DOCK1: variants seen among roughly 807,000 people sequenced by gnomAD.
DOCK1 encodes the protein dedicator of cytokinesis 1.
DOCK1 carries 138 observed loss-of-function variants against 262.7 expected under a neutral mutation model. That is an observed-to-expected ratio of 0.53 (90% CI 0.46 to 0.61). The LOEUF is 0.61. DOCK1 is among the 20% of genes least tolerant of loss of function. The pLI, the probability that DOCK1 is intolerant of heterozygous loss-of-function variation, is 0.00. For synonymous variants in DOCK1, 866 were observed against 867.4 expected (o/e 1.00, Z 0.03); for missense variants, 1,908 against 2,370.7 (o/e 0.80, Z 4.05).
chr10:126,946,525 A>C (rs924539842), intron 1 of DOCK1, among the ~76,000 whole-genome samples: 10 of 152,124 alleles, frequency 6.6e-5, no homozygotes, highest in Non-Finnish European at 1.2e-4. Flanking sequence ...CAGTCTGGGC[A>C]ACAGAGCGAG....
At chr10:127,170,713 T>C (rs1011568371) in intron 27 of DOCK1, among the ~76,000 whole-genome samples, 3 of 152,176 alleles carry the variant, frequency 2.0e-5, no homozygotes, top group Admixed American at 6.5e-5. Context: ...GTTCTAATAA[T>C]TGATTGGGTT....
intron 43 of DOCK1, among the ~76,000 whole-genome samples, chr10:127,412,603 G>A (rs1353541701): frequency 3.3e-5 from 5 of 152,194 alleles, no homozygotes; most frequent in Admixed American, 6.5e-5. Flanking sequence ...AAAGGTCAAA[G>A]GTGAATTAAC....
chr10:127,356,788 C>T (rs940813133), intron 32 of DOCK1, among the ~76,000 whole-genome samples: 1 of 152,204 alleles, frequency 6.6e-6, no homozygotes, highest in African/African-American at 2.4e-5. Flanking sequence ...GACCTCTTCT[C>T]TGGACACAGG....
chr10:127,310,888 G>A (rs929966501), intron 29 of DOCK1, among the ~76,000 whole-genome samples: 4 of 152,156 alleles, frequency 2.6e-5, no homozygotes, highest in Non-Finnish European at 4.4e-5. Flanking sequence ...AGAAAAAAAA[G>A]GACAGCCAAA....
intron 6 of DOCK1, among the ~76,000 whole-genome samples, chr10:126,992,513 A>C (rs565818478): frequency 6.6e-6 from 1 of 152,280 alleles, no homozygotes; most frequent in South Asian, 2.1e-4. Context: ...ATGATACCAC[A>C]GTGTTGAATG....
rs537117706 is a variant in DOCK1, at chr10:127,031,389, G to A, written c.1625-261G>A. Among the ~76,000 whole-genome samples, 5 of 152,246 alleles carry A rather than the reference G, an allele frequency of 3.3e-5. No individual in the cohort carries two copies. In the East Asian group the frequency reaches 5.8e-4, roughly 18 times the overall value. On this transcript the variant is annotated intron_variant, in intron 16 of 51. Coordinates refer to ENST00000623213, the MANE Select transcript of DOCK1 (RefSeq NM_001290223.2). ...CCTGGAATCCGTTTTCACGTTCCAG[G>A]AAAAATCTCTTCTATGAGATTTTGA...
intron 31 of DOCK1, chr10:127,344,477 G>A (rs2063548538): frequency 6.6e-6 from 1 of 152,154 alleles, no homozygotes; most frequent in Admixed American, 6.5e-5. Flanking sequence ...GAAGAGTTCT[G>A]AAATTGCATT....
chr10:127,438,649 A>G (rs2069859025), intron 48 of DOCK1, among the ~76,000 whole-genome samples: 1 of 152,178 alleles, frequency 6.6e-6, no homozygotes, highest in Non-Finnish European at 1.5e-5. Context: ...ATTGACGTCT[A>G]TTTTTCCCCA....
intron 15 of DOCK1, chr10:127,026,094 A>G (rs898649152): frequency 1.4e-5 from 6 of 422,946 alleles, no homozygotes; most frequent in Non-Finnish European, 2.1e-5. Flanking sequence ...GAATCTTAAC[A>G]GTAATGGTCA....
At chr10:127,145,202 G>A (rs1342190315) in intron 27 of DOCK1, among the ~76,000 whole-genome samples, 1 of 152,118 alleles carries the variant, frequency 6.6e-6, no homozygotes, top group Non-Finnish European at 1.5e-5. Context: ...CAGATGCACA[G>A]GGGTCAGAGA....
chr10:127,251,397 A>G (rs979338970), intron 28 of DOCK1, among the ~76,000 whole-genome samples: 3 of 151,684 alleles, frequency 2.0e-5, no homozygotes, highest in African/African-American at 7.3e-5. Context: ...TATTATTATT[A>G]TACTTTAAGT....
intron 29 of DOCK1, among the ~76,000 whole-genome samples, chr10:127,269,731 A>AG (rs796275233): frequency 1.2e-4 from 19 of 152,286 alleles, no homozygotes; most frequent in African/African-American, 4.3e-4. Context: ...TCTGAGATTC[A>AG]GGGGGGTTGA....
intron 29 of DOCK1, among the ~76,000 whole-genome samples, chr10:127,306,147 T>G (rs2061867311): frequency 6.6e-6 from 1 of 151,996 alleles, no homozygotes; most frequent in Non-Finnish European, 1.5e-5. Context: ...CTCAAGTAGC[T>G]GGGATTACGG....
chr10:127,250,820 AAAT>A (rs1564934997), intron 28 of DOCK1, among the ~76,000 whole-genome samples: 7 of 133,124 alleles, frequency 5.3e-5, no homozygotes, highest in Admixed American at 1.6e-4. Context: ...AAAAAAAAAA[AAAT>A]GACGTTTGTG....
At chr10:126,927,912 G>A (rs911243282) in intron 1 of DOCK1, among the ~76,000 whole-genome samples, 1 of 152,086 alleles carries the variant, frequency 6.6e-6, no homozygotes, top group Non-Finnish European at 1.5e-5. Flanking sequence ...TACCATGCTC[G>A]GCGGAGAGGT....
intron 23 of DOCK1, among the ~76,000 whole-genome samples, chr10:127,077,861 G>A (rs1489879972): frequency 6.6e-6 from 1 of 152,070 alleles, no homozygotes. Context: ...TGAGCTTTGA[G>A]GGGTGGGTGT....
intron 1 of DOCK1, among the ~76,000 whole-genome samples, chr10:126,934,382 G>A (rs2034402213): frequency 1.3e-5 from 2 of 152,218 alleles, no homozygotes; most frequent in South Asian, 4.1e-4. Context: ...GTGCTGTGGG[G>A]CTCGCCCCGA....
At chr10:126,953,712 G>C (rs1218385005) in intron 1 of DOCK1, among the ~76,000 whole-genome samples, 1 of 152,106 alleles carries the variant, frequency 6.6e-6, no homozygotes, top group African/African-American at 2.4e-5. Flanking sequence ...CCCTGGAGCT[G>C]TGTTGGTGGG....
intron 10 of DOCK1, among the ~76,000 whole-genome samples, chr10:127,004,246 AAAAAG>A: frequency 1.5e-5 from 2 of 137,578 alleles, no homozygotes; most frequent in African/African-American, 2.6e-5. Flanking sequence ...TCTCAAAAAA[AAAAAG>A]AAAAGAAAAC....
Sources: allele counts gnomAD v4.1 joint callset (sites outside exome capture counted in the v4.1 genomes callset), GRCh38; gene constraint gnomAD v4.1.1; transcripts MANE v1.5; gene names NCBI Gene and HGNC (gene_info 2026-07-23, HGNC 2026-07-21).